DNM3: variants seen among roughly 807,000 people sequenced by gnomAD.
DNM3 encodes the protein dynamin-3.
A neutral mutation model predicts 101.6 loss-of-function variants in DNM3; 47 were observed. The observed-to-expected ratio is 0.46, with a 90% confidence interval of 0.37 to 0.59. The LOEUF (loss-of-function observed/expected upper bound fraction) is 0.59. Among genes scored for constraint, DNM3 ranks in the 20% least tolerant of loss-of-function variants. The probability of loss-of-function intolerance (pLI) is 0.00; values close to 1 mark genes in which losing one functional copy is unlikely to be tolerated. For synonymous variants in DNM3, 385 were observed against 387.9 expected, an observed-to-expected ratio of 0.99 and a Z score of 0.09; for missense variants, 849 against 1,085.7, an observed-to-expected ratio of 0.78 and a Z score of 3.06.
downstream of DNM3, among the ~76,000 whole-genome samples, chr1:172,414,175 CT>C (rs1213486691): frequency 6.6e-6 from 1 of 152,066 alleles, no homozygotes; most frequent in African/African-American, 2.4e-5. Context: ...TTAGAGTGAC[CT>C]CAAACTTTGC....
At chr1:172,013,998 G>A (rs952265313) in intron 4 of DNM3, among the ~76,000 whole-genome samples, 11 of 152,000 alleles carry the variant, frequency 7.2e-5, no homozygotes, top group African/African-American at 2.7e-4. Context: ...CATCCCCACC[G>A]TGTGCAACCT....
chr1:172,189,641 A>G (rs1047339814), intron 14 of DNM3, among the ~76,000 whole-genome samples: 42 of 151,994 alleles, frequency 2.8e-4, no homozygotes, highest in African/African-American at 9.2e-4. Flanking sequence ...ATATTAGCCC[A>G]TTTTTGTGTC....
intron 19 of DNM3, among the ~76,000 whole-genome samples, chr1:172,388,102 C>T (rs1484211722): frequency 2.6e-5 from 4 of 151,950 alleles, no homozygotes; most frequent in Non-Finnish European, 5.9e-5. Context: ...GGGGTGGTGG[C>T]GCACACCTGT....
chr1:172,252,391 C>T (rs1252297945), intron 14 of DNM3, among the ~76,000 whole-genome samples: 1 of 152,096 alleles, frequency 6.6e-6, no homozygotes, highest in Non-Finnish European at 1.5e-5. Flanking sequence ...CAGAAGAGCT[C>T]TATGCTATGC....
chr1:172,310,648 G>A (rs887943116), intron 16 of DNM3: 1 of 152,226 alleles, frequency 6.6e-6, no homozygotes, highest in African/African-American at 2.4e-5. Context: ...GCAGAAGATA[G>A]CAAGTGCAAA....
At chr1:172,011,074 A>C (rs896258668) in intron 4 of DNM3, among the ~76,000 whole-genome samples, 3 of 151,896 alleles carry the variant, frequency 2.0e-5, no homozygotes, top group African/African-American at 7.2e-5. Context: ...ATCTTACTTG[A>C]AGATCAATTT....
intron 15 of DNM3, among the ~76,000 whole-genome samples, chr1:172,274,668 A>C (rs1234434216): frequency 1.3e-5 from 2 of 151,320 alleles, no homozygotes; most frequent in African/African-American, 4.9e-5. Flanking sequence ...ATGGTGAGAA[A>C]TTTAAAACCG....
intron 14 of DNM3, among the ~76,000 whole-genome samples, chr1:172,148,772 T>G (rs73039377): frequency 6.7e-6 from 1 of 150,240 alleles, no homozygotes; most frequent in Non-Finnish European, 1.5e-5. Context: ...TTGTGTAGAT[T>G]AGCACTTTTT....
At chr1:172,271,474 A>G (rs1361177151) in intron 15 of DNM3, among the ~76,000 whole-genome samples, 1 of 152,134 alleles carries the variant, frequency 6.6e-6, no homozygotes, top group East Asian at 1.9e-4. Context: ...GTAGTTTAAC[A>G]GAAGACAGCT....
intron 14 of DNM3, among the ~76,000 whole-genome samples, chr1:172,221,710 A>G (rs547839207): frequency 5.8e-4 from 88 of 151,876 alleles, no homozygotes; most frequent in Non-Finnish European, 6.3e-4. Context: ...CTTCTTTCCT[A>G]TTTAAAATTA....
intron 1 of DNM3, among the ~76,000 whole-genome samples, chr1:171,893,734 C>T (rs2037504680): frequency 6.6e-6 from 1 of 152,118 alleles, no homozygotes; most frequent in African/African-American, 2.4e-5. Context: ...GGATTACAGG[C>T]ATGAGCCACT....
intron 1 of DNM3, among the ~76,000 whole-genome samples, chr1:171,886,791 G>T (rs2036815791): frequency 6.6e-6 from 1 of 152,102 alleles, no homozygotes; most frequent in Admixed American, 6.6e-5. Flanking sequence ...TCATTTATAA[G>T]GCATTTGATT....
intron 15 of DNM3, among the ~76,000 whole-genome samples, chr1:172,271,591 ATT>A (rs1213227253): frequency 2.0e-5 from 3 of 152,140 alleles, no homozygotes; most frequent in Non-Finnish European, 4.4e-5. Flanking sequence ...ATGGAAGAGT[ATT>A]TTAATAGCCT....
intron 2 of DNM3, among the ~76,000 whole-genome samples, chr1:171,979,885 G>C (rs1006268313): frequency 6.6e-6 from 1 of 152,134 alleles, no homozygotes; most frequent in African/African-American, 2.4e-5. Flanking sequence ...GACTGAATTT[G>C]CATCTTGGTT....
intron 10 of DNM3, among the ~76,000 whole-genome samples, chr1:172,052,861 A>C (rs189761973): frequency 6.6e-6 from 1 of 152,156 alleles, no homozygotes; most frequent in Non-Finnish European, 1.5e-5. Flanking sequence ...GGTGATTCCC[A>C]AATCTGTACC....
chr1:172,340,259 A>T (rs534998507), intron 17 of DNM3, among the ~76,000 whole-genome samples: 1 of 152,172 alleles, frequency 6.6e-6, no homozygotes, highest in Non-Finnish European at 1.5e-5. Context: ...TTTAGGATGT[A>T]ATCAGAATCA....
At chr1:172,342,973 A>G (rs2148962987) in intron 17 of DNM3, among the ~76,000 whole-genome samples, 1 of 152,278 alleles carries the variant, frequency 6.6e-6, no homozygotes, top group East Asian at 1.9e-4. Flanking sequence ...CATTATGTTA[A>G]ACTCCATAGC....
intron 10 of DNM3, among the ~76,000 whole-genome samples, chr1:172,054,196 A>G (rs924972678): frequency 2.0e-5 from 3 of 152,226 alleles, no homozygotes; most frequent in Admixed American, 6.5e-5. Context: ...CTTAAGCTGC[A>G]TAAATAAACA....
intron 10 of DNM3, among the ~76,000 whole-genome samples, chr1:172,065,909 T>TG (rs1280934468): frequency 6.6e-6 from 1 of 152,198 alleles, no homozygotes; most frequent in Non-Finnish European, 1.5e-5. Context: ...AGAGTAGACT[T>TG]GCAGCAATGG....
Sources: allele counts gnomAD v4.1 joint callset (sites outside exome capture counted in the v4.1 genomes callset), GRCh38; gene constraint gnomAD v4.1.1; transcripts MANE v1.5; gene names NCBI Gene and HGNC (gene_info 2026-07-23, HGNC 2026-07-21).